RYR2: variants seen among roughly 807,000 people sequenced by gnomAD.
The protein encoded by RYR2 is ryanodine receptor 2.
Under a neutral mutation model 601.1 loss-of-function variants are expected in RYR2, and 227 were observed. The observed-to-expected ratio is 0.38, with a 90% CI of 0.34 to 0.42. The LOEUF is 0.42. Among genes scored for constraint, RYR2 ranks in the 10% least tolerant of loss-of-function variants. The pLI, the probability that RYR2 is intolerant of heterozygous loss-of-function variation, is 1.00. For synonymous variants in RYR2, 2,223 were observed against 2,175.1 expected, an observed-to-expected ratio of 1.02 and a Z score of -0.61; for missense variants, 4,646 against 6,156.5, an observed-to-expected ratio of 0.75 and a Z score of 8.21.
intron 1 of RYR2, among the ~76,000 whole-genome samples, chr1:237,183,584 AAG>A (rs1241607846): frequency 6.6e-6 from 1 of 152,208 alleles, no homozygotes; most frequent in Non-Finnish European, 1.5e-5. Context: ...GGTTAGGAGA[AAG>A]AGAATTCTCA....
chr1:237,202,433 G>A (rs1681295734), intron 1 of RYR2, among the ~76,000 whole-genome samples: 1 of 151,620 alleles, frequency 6.6e-6, no homozygotes, highest in African/African-American at 2.4e-5. Flanking sequence ...TTTCAGTCAG[G>A]GTCTCGCTCT....
intron 34 of RYR2, among the ~76,000 whole-genome samples, chr1:237,599,131 C>G (rs569839856): frequency 6.6e-6 from 1 of 152,152 alleles, no homozygotes; most frequent in Non-Finnish European, 1.5e-5. Flanking sequence ...GAAATTGTAT[C>G]AATAATGAAA....
At chr1:237,795,911 C>T (rs59418966) in intron 96 of RYR2, among the ~76,000 whole-genome samples, 9 of 85,650 alleles carry the variant, frequency 1.1e-4, no homozygotes, top group African/African-American at 2.6e-4. Context: ...GATACACACA[C>T]ATATGCACGC....
At chr1:237,529,695 G>C (rs1032073386) in intron 24 of RYR2, among the ~76,000 whole-genome samples, 1 of 150,752 alleles carries the variant, frequency 6.6e-6, no homozygotes, top group Non-Finnish European at 1.5e-5. Flanking sequence ...GGGTACTAAA[G>C]ACAAATTGTC....
intron 10 of RYR2, among the ~76,000 whole-genome samples, chr1:237,397,873 C>A (rs1173104158): frequency 2.0e-5 from 3 of 152,072 alleles, no homozygotes; most frequent in Non-Finnish European, 2.9e-5. Flanking sequence ...AGGCACCCAC[C>A]ACCACATCTG....
intron 1 of RYR2, among the ~76,000 whole-genome samples, chr1:237,129,181 C>T (rs1042141357): frequency 1.3e-5 from 2 of 152,188 alleles, no homozygotes; most frequent in African/African-American, 4.8e-5. Flanking sequence ...AGTAGCATCC[C>T]AGCTGGTATT....
Position 237,408,604 on chromosome 1 carries a change from A to G in RYR2, c.774-8445A>G, listed in dbSNP as rs142053260. On this transcript the variant is annotated intron_variant, in intron 10 of 104. Coordinates refer to ENST00000366574, the MANE Select transcript of RYR2 (RefSeq NM_001035.3). ...TAGCTTTATAGTAAGTCCTGAAATC[A>G]GATAGTGTCAGTCTCCCAACTTCGT... 4.8e-4 allele frequency among the ~76,000 whole-genome samples: 73 copies of G among 152,128 alleles called. 1 individual carries two copies. The highest frequency in any genetic ancestry group is 1.7e-3 in the African/African-American group (69 of 41,464).
intron 35 of RYR2, 127 bp downstream of exon 35, chr1:237,602,238 G>A (rs1160187864): frequency 1.6e-6 from 1 of 642,220 alleles, no homozygotes; most frequent in African/African-American, 1.9e-5. Flanking sequence ...TTCAAGAAAA[G>A]ATAGCCATGC....
intron 2 of RYR2, among the ~76,000 whole-genome samples, chr1:237,305,476 G>C (rs1693778038): frequency 6.6e-6 from 1 of 152,192 alleles, no homozygotes; most frequent in Non-Finnish European, 1.5e-5. Context: ...CTGTCACCCA[G>C]GCTGGAGTGC....
At chr1:237,305,170 C>T (rs184684315) in intron 2 of RYR2, among the ~76,000 whole-genome samples, 5 of 152,074 alleles carry the variant, frequency 3.3e-5, no homozygotes, top group Admixed American at 1.3e-4. Flanking sequence ...CTTTTGCTCA[C>T]GTGCACAAGG....
chr1:237,083,845 C>T (rs1445671770), intron 1 of RYR2, among the ~76,000 whole-genome samples: 1 of 152,168 alleles, frequency 6.6e-6, no homozygotes, highest in Non-Finnish European at 1.5e-5. Context: ...CCTTAAACTT[C>T]CCTGGAGGAT....
chr1:237,813,488 G>A (rs1337959332), intron 100 of RYR2, among the ~76,000 whole-genome samples: 1 of 152,114 alleles, frequency 6.6e-6, no homozygotes, highest in African/African-American at 2.4e-5. Context: ...GCAACATCCT[G>A]GTCTCTCCTT....
chr1:237,725,979 T>G (rs1014458030), intron 74 of RYR2, among the ~76,000 whole-genome samples: 6 of 152,074 alleles, frequency 3.9e-5, no homozygotes, highest in Non-Finnish European at 7.4e-5. Context: ...TTGCTTTTAC[T>G]TCTATGTTAA....
chr1:237,705,769 A>T (rs1688319072), intron 67 of RYR2, among the ~76,000 whole-genome samples: 1 of 152,216 alleles, frequency 6.6e-6, no homozygotes, highest in Non-Finnish European at 1.5e-5. Flanking sequence ...AGAGAAGTTT[A>T]AATTTAGATC....
intron 27 of RYR2, among the ~76,000 whole-genome samples, chr1:237,555,719 A>G (rs1223083735): frequency 2.0e-5 from 3 of 152,078 alleles, no homozygotes; most frequent in Non-Finnish European, 4.4e-5. Flanking sequence ...AGTCTGGTTG[A>G]CTCAATTTTA....
At chr1:237,283,321 C>CTCT (rs1691102798) in intron 2 of RYR2, among the ~76,000 whole-genome samples, 1 of 151,986 alleles carries the variant, frequency 6.6e-6, no homozygotes, top group Admixed American at 6.6e-5. Context: ...ATCGCTTTTT[C>CTCT]TCTTTTTCTT....
At chr1:237,777,658 T>A (rs1001163089) in intron 87 of RYR2, among the ~76,000 whole-genome samples, 1 of 152,182 alleles carries the variant, frequency 6.6e-6, no homozygotes, top group Non-Finnish European at 1.5e-5. Flanking sequence ...ATGAAAACAG[T>A]CTGCGTGCTA....
intron 26 of RYR2, among the ~76,000 whole-genome samples, chr1:237,548,915 T>C (rs1670097928): frequency 6.6e-6 from 1 of 152,186 alleles, no homozygotes; most frequent in Non-Finnish European, 1.5e-5. Flanking sequence ...AAAGTGATAA[T>C]AAAATGGGTT....
intron 25 of RYR2, among the ~76,000 whole-genome samples, chr1:237,540,911 G>GTATA (rs61555601): frequency 1.2e-3 from 176 of 148,778 alleles, no homozygotes; most frequent in East Asian, 2.0e-3. Context: ...ATGTGTGTGT[G>GTATA]TATATATATA....
Sources: allele counts gnomAD v4.1 joint callset (sites outside exome capture counted in the v4.1 genomes callset), GRCh38; gene constraint gnomAD v4.1.1; transcripts MANE v1.5; gene names NCBI Gene and HGNC (gene_info 2026-07-23, HGNC 2026-07-21).